MEF2A: variants seen among roughly 807,000 people sequenced by gnomAD.
The protein encoded by MEF2A is myocyte enhancer factor 2A, also known as myocyte-specific enhancer factor 2A.
Under a neutral mutation model 55.8 loss-of-function variants are expected in MEF2A, and 28 were observed. The observed-to-expected ratio is 0.50, with a 90% CI of 0.37 to 0.69. The LOEUF (loss-of-function observed/expected upper bound fraction) is 0.69. MEF2A is among the 30% of genes least tolerant of loss of function. The probability of loss-of-function intolerance (pLI) is 0.00; values close to 1 mark genes in which losing one functional copy is unlikely to be tolerated. For synonymous variants in MEF2A, 239 were observed against 227.1 expected (o/e 1.05, Z -0.47); for missense variants, 528 against 626.2 (o/e 0.84, Z 1.67).
Position 99,713,615 on chromosome 15 carries a change from G to A in MEF2A, c.*844G>A, listed in dbSNP as rs1315065857. On this transcript the variant is annotated 3_prime_UTR_variant, in exon 12 of 12. Transcript: ENST00000557942. ...AAAGAAAACACCCTTATGAATTGAT[G>A]ACTATATATAAAATTATATTCACTA... 1 of 152,120 alleles carries A rather than the reference G, an allele frequency of 6.6e-6. No individual in the cohort carries two copies. The highest frequency in any genetic ancestry group is 2.4e-5 in the African/African-American group (1 of 41,438). 9.4% of individuals were successfully genotyped at this position (152,120 alleles called of 1,614,324 possible). A position where few individuals can be genotyped will look rare whatever the true frequency, so the allele number is the denominator to read the frequency against.
chr15:99,702,800 A>C (rs2057573799), intron 8 of MEF2A, among the ~76,000 whole-genome samples: 1 of 152,192 alleles, frequency 6.6e-6, no homozygotes, highest in African/African-American at 2.4e-5. Flanking sequence ...GCAAATGATA[A>C]ACATATATAA....
chr15:99,694,025 C>T (rs1177442048), intron 8 of MEF2A, among the ~76,000 whole-genome samples: 2 of 152,150 alleles, frequency 1.3e-5, no homozygotes, highest in Non-Finnish European at 2.9e-5. Flanking sequence ...CTGAAATTCG[C>T]AATTTATTCA....
chr15:99,690,885 A>G (rs903299075), intron 8 of MEF2A, among the ~76,000 whole-genome samples: 1 of 152,186 alleles, frequency 6.6e-6, no homozygotes, highest in African/African-American at 2.4e-5. Context: ...CCTGTATTTG[A>G]TAGGAGAGAA....
chr15:99,688,910 G>C (rs1238888928), intron 7 of MEF2A, among the ~76,000 whole-genome samples: 1 of 152,168 alleles, frequency 6.6e-6, no homozygotes, highest in Non-Finnish European at 1.5e-5. Context: ...AGAATGACCT[G>C]AGTCAAATGC....
At chr15:99,592,535 A>T (rs74465640) in intron 1 of MEF2A, among the ~76,000 whole-genome samples, 2,243 of 152,308 alleles carry the variant, frequency 0.015, 32 homozygotes, top group South Asian at 0.027. Flanking sequence ...TGGATAATTT[A>T]TAAAGAAAAG....
intron 4 of MEF2A, among the ~76,000 whole-genome samples, chr15:99,664,160 T>TA (rs960129146): frequency 1.3e-5 from 2 of 152,214 alleles, no homozygotes; most frequent in African/African-American, 4.8e-5. Flanking sequence ...TTTTGAGAAA[T>TA]ATGTGACTTG....
chr15:99,641,584 G>A (rs375084950), intron 3 of MEF2A, among the ~76,000 whole-genome samples: 19 of 152,256 alleles, frequency 1.2e-4, no homozygotes, highest in African/African-American at 2.2e-4. Flanking sequence ...TTAGCCAGGC[G>A]TGGTGGCAGG....
intron 8 of MEF2A, among the ~76,000 whole-genome samples, chr15:99,696,297 G>A (rs1331428939): frequency 1.3e-5 from 2 of 152,170 alleles, no homozygotes; most frequent in African/African-American, 2.4e-5. Flanking sequence ...CTCGACAACA[G>A]CAGAACACAC....
intron 2 of MEF2A, among the ~76,000 whole-genome samples, chr15:99,631,213 C>T (rs149758816): frequency 6.6e-6 from 1 of 152,120 alleles, no homozygotes; most frequent in South Asian, 2.1e-4. Flanking sequence ...CATCTTACAG[C>T]CATTAAAATA....
chr15:99,596,809 T>A (rs1295540288), intron 1 of MEF2A, among the ~76,000 whole-genome samples: 1 of 152,232 alleles, frequency 6.6e-6, no homozygotes, highest in Non-Finnish European at 1.5e-5. Flanking sequence ...GTGCACCTAA[T>A]CCATTGAGCA....
intron 3 of MEF2A, among the ~76,000 whole-genome samples, chr15:99,639,679 C>A (rs1332966754): frequency 6.6e-6 from 1 of 152,190 alleles, no homozygotes; most frequent in Non-Finnish European, 1.5e-5. Context: ...AGCTACACTG[C>A]AGTAAGTTTG....
chr15:99,622,995 C>T (rs535789812), intron 2 of MEF2A, among the ~76,000 whole-genome samples: 4 of 152,274 alleles, frequency 2.6e-5, no homozygotes, highest in East Asian at 1.9e-4. Flanking sequence ...CCACCACGCC[C>T]GGCCCGGATG....
chr15:99,619,850 C>G (rs1453686699), intron 2 of MEF2A, among the ~76,000 whole-genome samples: 4 of 152,156 alleles, frequency 2.6e-5, no homozygotes, highest in African/African-American at 9.7e-5. Flanking sequence ...AGTTTAGTGA[C>G]AGGTTTGGGG....
At chr15:99,646,830 C>T (rs963182752) in intron 4 of MEF2A, among the ~76,000 whole-genome samples, 15 of 152,072 alleles carry the variant, frequency 9.9e-5, no homozygotes, top group African/African-American at 3.4e-4. Flanking sequence ...TTACTACACA[C>T]ATAAAAACTA....
At chr15:99,625,051 A>G (rs147431448) in intron 2 of MEF2A, among the ~76,000 whole-genome samples, 105 of 152,314 alleles carry the variant, frequency 6.9e-4, no homozygotes, top group African/African-American at 2.2e-3. Context: ...AGACTAATGT[A>G]AGTGTTCTGA....
chr15:99,568,811 A>T (rs1328164630), intron 1 of MEF2A, among the ~76,000 whole-genome samples: 1 of 152,206 alleles, frequency 6.6e-6, no homozygotes, highest in Non-Finnish European at 1.5e-5. Context: ...CTGTGTTGTC[A>T]TCAGACCATA....
At chr15:99,577,277 T>C (rs1193690691) in intron 1 of MEF2A, among the ~76,000 whole-genome samples, 1 of 152,238 alleles carries the variant, frequency 6.6e-6, no homozygotes, top group African/African-American at 2.4e-5. Context: ...TTGTGTTACT[T>C]TGGCTTATAT....
intron 3 of MEF2A, among the ~76,000 whole-genome samples, chr15:99,634,353 T>G (rs950488608): frequency 6.6e-6 from 1 of 152,088 alleles, no homozygotes; most frequent in Admixed American, 6.6e-5. Context: ...ATTATGAAGG[T>G]TGGTACAATA....
intron 1 of MEF2A, among the ~76,000 whole-genome samples, chr15:99,589,972 T>A (rs1269472119): frequency 1.3e-5 from 2 of 152,100 alleles, no homozygotes; most frequent in African/African-American, 4.8e-5. Flanking sequence ...TGTTTGTTCT[T>A]ATGTGGTTGG....
Sources: gnomAD v4.1 joint callset for allele counts (sites outside exome capture counted in the v4.1 genomes callset) on GRCh38, gnomAD v4.1.1 for gene constraint, MANE v1.5 for transcripts, NCBI Gene and HGNC (gene_info 2026-07-23, HGNC 2026-07-21) for gene names.